Variants in FREM2 observed in about 807,000 individuals in gnomAD.
FREM2 encodes the protein FRAS1-related extracellular matrix protein 2.
FREM2 carries 119 observed loss-of-function variants against 219.9 expected under a neutral mutation model. The ratio of observed to expected loss-of-function variants is 0.54; its 90% CI spans 0.47 to 0.63. FREM2 has a LOEUF of 0.63. Among genes scored for constraint, FREM2 ranks in the 30% least tolerant of loss-of-function variants. The pLI is 0.00. For missense variants in FREM2, 4,030 were observed against 3,993.6 expected, an observed-to-expected ratio of 1.01 and a Z score of -0.25; for synonymous variants, 1,562 against 1,522.8, an observed-to-expected ratio of 1.03 and a Z score of -0.60.
At chr13:38,747,944 C>T (rs961994690) in intron 2 of FREM2, among the ~76,000 whole-genome samples, 1 of 152,266 alleles carries the variant, frequency 6.6e-6, no homozygotes. Context: ...GCCTTTAAAT[C>T]CCTTATCAGA....
chr13:38,820,367 A>G (rs1391098118), intron 6 of FREM2, among the ~76,000 whole-genome samples: 2 of 152,154 alleles, frequency 1.3e-5, no homozygotes, highest in Non-Finnish European at 2.9e-5. Flanking sequence ...TGGCCATGCA[A>G]TACTATCTTA....
chr13:38,813,493 TCTCTCTCTCTCTCTCTCTCTCTCTC>T (rs1555269279), intron 6 of FREM2, among the ~76,000 whole-genome samples: 3 of 15,492 alleles, frequency 1.9e-4, no homozygotes, highest in Admixed American at 9.6e-4. Context: ...TCTCTCTCTC[TCTCTCTCTCTCTCTCTCTCTCTCTC>T]CTCTCTCTCT....
At position 38,692,350 on chromosome 13, in the gene FREM2, C is replaced by T. The variant is rs1281953474; in HGVS notation, c.5006C>T (p.Thr1669Ile). 2 of 1,604,572 alleles carry T rather than the reference C, an allele frequency of 1.2e-6. No homozygotes were observed. Among genetic ancestry groups the T allele is most frequent in the East Asian group, 2.2e-5 (1 of 44,758 alleles). ...AVNKGASTLRTLATGHLGFMI... is the reference protein window; with the variant it reads ...AVNKGASTLRILATGHLGFMI... ...AATAAGGGGGCCTCTACACTTCGCA[C>T]TCTAGCCACTGGCCACTTGGGGTTC... is the stretch of plus-strand genomic sequence containing the variant. Residue 1669 changes from threonine to isoleucine, a missense_variant, in exon 1 of 24, where the codon ACT (threonine) becomes ATT (isoleucine). Coordinates refer to ENST00000280481, the MANE Select transcript of FREM2 (RefSeq NM_207361.6).
chr13:38,848,980 G>A (rs1877269429), intron 8 of FREM2, among the ~76,000 whole-genome samples: 1 of 152,070 alleles, frequency 6.6e-6, no homozygotes. Context: ...GGTGTTCCCT[G>A]TATGTGTCTC....
In FREM2 at chr13:38,885,837, A is replaced by G. The variant is rs1463092172; in HGVS notation, c.*5050A>G. ...TAAAAAAAATTACTTTGATGGTTTA[A>G]TTAAGAATAATAAGTCAAATATCAC... On this transcript the variant is annotated 3_prime_UTR_variant, in exon 24 of 24. Coordinates refer to ENST00000280481, the MANE Select transcript of FREM2 (RefSeq NM_207361.6). The G allele has an allele frequency of 6.6e-6, 1 of 152,208 alleles. No homozygotes were observed. Among genetic ancestry groups the G allele is most frequent in the Non-Finnish European group, 1.5e-5 (1 of 68,012 alleles). The allele number at this position is 152,208 out of a possible 1,614,324, so 9.4% of individuals were successfully genotyped here.
Position 38,782,923 on chromosome 13 carries a change from C to G in FREM2, c.5642-147C>G, listed in dbSNP as rs562135478. 43 of 989,062 alleles carry G rather than the reference C, an allele frequency of 4.3e-5. No individual in the cohort carries two copies. The East Asian group carries it at 1.0e-3, about 24-fold the overall frequency. The allele number at this position is 989,062 out of a possible 1,614,324, so 61.3% of individuals were successfully genotyped here. ...TTTATACCCACTTCTTTTCCCCTCT[C>G]CTTCCTCCTTTTCCTCCCACTATGT... On this transcript the variant is annotated intron_variant, in intron 4 of 23. Coordinates refer to ENST00000280481, the MANE Select transcript of FREM2 (RefSeq NM_207361.6).
At position 38,823,127 on chromosome 13, in the gene FREM2, G is replaced by A. The variant is rs144980198; in HGVS notation, c.6020-23446G>A. On this transcript the variant is annotated intron_variant, in intron 6 of 23. Transcript: ENST00000280481. ...CTTGGTGAATGGTTCTATGAGTACT[G>A]GATTCCTTCCTCTCAGTCCTCACCC... 4.0e-4 allele frequency among the ~76,000 whole-genome samples: 61 copies of A among 151,988 alleles called. No homozygotes were observed. The East Asian group carries it at 0.012, about 29-fold the overall frequency.
chr13:38,835,416 G>A (rs999627485), intron 6 of FREM2, among the ~76,000 whole-genome samples: 1 of 152,178 alleles, frequency 6.6e-6, no homozygotes, highest in African/African-American at 2.4e-5. Flanking sequence ...GCTTAGGATT[G>A]TCTTGGCTAT....
chr13:38,727,627 A>C (rs1871585232), intron 2 of FREM2, among the ~76,000 whole-genome samples: 1 of 152,250 alleles, frequency 6.6e-6, no homozygotes, highest in Non-Finnish European at 1.5e-5. Flanking sequence ...AGTGCCTGGC[A>C]TAGCACTTGA....
At chr13:38,697,881 A>G (rs907960461) in intron 2 of FREM2, 94 bp downstream of exon 2, 3 of 764,554 alleles carry the variant, frequency 3.9e-6, no homozygotes, top group Non-Finnish European at 7.1e-6. Context: ...TTCATCAAGT[A>G]ATATTTCATG....
chr13:38,876,842 T>C (rs1214720246), intron 20 of FREM2, among the ~76,000 whole-genome samples: 2 of 152,196 alleles, frequency 1.3e-5, no homozygotes, highest in Non-Finnish European at 2.9e-5. Context: ...GACAATGATA[T>C]TTACAAGTCC....
chr13:38,788,318 A>C (rs959997352), intron 6 of FREM2, among the ~76,000 whole-genome samples: 1 of 152,168 alleles, frequency 6.6e-6, no homozygotes, highest in Non-Finnish European at 1.5e-5. Flanking sequence ...GTAAAGTTGC[A>C]GTTATCCAGT....
At chr13:38,727,027 T>C (rs891039414) in intron 2 of FREM2, among the ~76,000 whole-genome samples, 5 of 152,202 alleles carry the variant, frequency 3.3e-5, no homozygotes, top group African/African-American at 1.2e-4. Context: ...TTGAATCTAA[T>C]TAGGGTGCGA....
intron 9 of FREM2, among the ~76,000 whole-genome samples, chr13:38,850,627 T>C (rs1321174171): frequency 1.3e-5 from 2 of 152,244 alleles, no homozygotes; most frequent in African/African-American, 4.8e-5. Context: ...CTAATCTTGC[T>C]TTCTGAATGT....
intron 2 of FREM2, among the ~76,000 whole-genome samples, chr13:38,730,603 C>A (rs994284035): frequency 6.6e-6 from 1 of 152,160 alleles, no homozygotes; most frequent in Non-Finnish European, 1.5e-5. Context: ...AAAAATTATA[C>A]CTGACCTCTT....
intron 6 of FREM2, among the ~76,000 whole-genome samples, chr13:38,824,179 G>C (rs1876180724): frequency 6.6e-6 from 1 of 152,080 alleles, no homozygotes; most frequent in African/African-American, 2.4e-5. Flanking sequence ...AGAGAAGAAA[G>C]AGTGAGGAGA....
chr13:38,766,723 A>G (rs1873451283), intron 3 of FREM2, among the ~76,000 whole-genome samples: 1 of 152,202 alleles, frequency 6.6e-6, no homozygotes, highest in South Asian at 2.1e-4. Context: ...CTAGATATGT[A>G]TTTATATTCC....
rs1020563859 is a variant in FREM2, at chr13:38,769,899, A to C, written c.5641+91A>C. The stretch of plus-strand genomic sequence containing the variant: ...GGGTATAGCTTACAGTTTTAAATTC[A>C]ATGTTTGAAATTTCCATAGAGAGAA... On this transcript the variant is annotated intron_variant, in intron 4 of 23. Coordinates refer to ENST00000280481, the MANE Select transcript of FREM2 (RefSeq NM_207361.6). 3.3e-6 allele frequency: 3 copies of C among 920,892 alleles called. No individual in the cohort carries two copies. The African/African-American group carries it at 4.9e-5, about 15-fold the overall frequency. 57.0% of individuals were successfully genotyped at this position (920,892 alleles called of 1,614,324 possible).
chr13:38,837,780 G>GT (rs938384017), intron 6 of FREM2, among the ~76,000 whole-genome samples: 2 of 133,158 alleles, frequency 1.5e-5, no homozygotes, highest in African/African-American at 2.9e-5. Context: ...TTTTTGTTTT[G>GT]TTTTGTTTTG....
Sources: allele counts gnomAD v4.1 joint callset (sites outside exome capture counted in the v4.1 genomes callset), GRCh38; gene constraint gnomAD v4.1.1; transcripts MANE v1.5; gene names NCBI Gene and HGNC (gene_info 2026-07-23, HGNC 2026-07-21).